BANK1: variants seen among roughly 807,000 people sequenced by gnomAD.
BANK1 encodes B-cell scaffold protein with ankyrin repeats.
In BANK1, 95 loss-of-function variants were observed where a neutral mutation model predicts 94.5. The observed-to-expected ratio is 1.00, with a 90% CI of 0.85 to 1.19. The LOEUF is 1.19. BANK1 is among the 50% of genes most tolerant of loss of function. The probability of loss-of-function intolerance (pLI) is 0.00; values close to 1 mark genes in which losing one functional copy is unlikely to be tolerated. For missense variants in BANK1, 987 were observed against 932.2 expected, an observed-to-expected ratio of 1.06 and a Z score of -0.77; for synonymous variants, 334 against 308.4, an observed-to-expected ratio of 1.08 and a Z score of -0.87.
chr4:101,952,576 T>C (rs535322838), intron 7 of BANK1, among the ~76,000 whole-genome samples: 156 of 152,262 alleles, frequency 1.0e-3, no homozygotes, highest in African/African-American at 3.6e-3. Flanking sequence ...CATATGATTA[T>C]AATTTGGTAA....
intron 12 of BANK1, chr4:102,062,815 A>G: frequency 2.7e-6 from 1 of 371,586 alleles, no homozygotes. Context: ...ATAACTATGA[A>G]TTGGGAAAGT....
At chr4:101,904,604 C>T (rs1722385690) in intron 6 of BANK1, among the ~76,000 whole-genome samples, 1 of 152,070 alleles carries the variant, frequency 6.6e-6, no homozygotes, top group African/African-American at 2.4e-5. Context: ...TTTTCTAGAC[C>T]CATACCAGGG....
At chr4:101,852,497 TATATATACAC>T (rs780794524) in intron 2 of BANK1, among the ~76,000 whole-genome samples, 1,936 of 115,020 alleles carry the variant, frequency 0.017, 60 homozygotes, top group Middle Eastern at 0.048. Flanking sequence ...TATATATATA[TATATATACAC>T]ACACACATAT....
intron 7 of BANK1, among the ~76,000 whole-genome samples, chr4:101,986,831 A>G (rs1429572876): frequency 9.2e-5 from 11 of 118,962 alleles, no homozygotes; most frequent in African/African-American, 3.3e-4. Flanking sequence ...GTGTATATAT[A>G]TGTATATATA....
chr4:101,864,244 A>G (rs968049179), intron 4 of BANK1, among the ~76,000 whole-genome samples: 1 of 152,214 alleles, frequency 6.6e-6, no homozygotes, highest in Non-Finnish European at 1.5e-5. Flanking sequence ...GCAATATTCA[A>G]GATGGTTACC....
At chr4:101,853,264 G>T (rs1727559397) in intron 2 of BANK1, among the ~76,000 whole-genome samples, 1 of 152,134 alleles carries the variant, frequency 6.6e-6, no homozygotes, top group South Asian at 2.1e-4. Flanking sequence ...GAAACAGCGT[G>T]GAGACAGCTC....
At chr4:101,878,841 T>C (rs545986388) in intron 5 of BANK1, among the ~76,000 whole-genome samples, 5 of 152,224 alleles carry the variant, frequency 3.3e-5, no homozygotes, top group Admixed American at 2.0e-4. Context: ...AACAATATGC[T>C]TTTGAATGGC....
At chr4:102,028,645 T>G (rs185324195) in intron 9 of BANK1, among the ~76,000 whole-genome samples, 9 of 152,338 alleles carry the variant, frequency 5.9e-5, no homozygotes, top group Non-Finnish European at 1.0e-4. Flanking sequence ...TTCATTGGCC[T>G]TGTAGAGAGC....
rs1253439934 is a variant in BANK1 at position 101,839,895 on chromosome 4, A to G, written c.469+9689A>G. 2.3e-5 allele frequency among the ~76,000 whole-genome samples: 3 copies of G among 132,218 alleles called. No individual in the cohort carries two copies. The East Asian group carries it at 6.8e-4, about 30-fold the overall frequency. 86.7% of individuals were successfully genotyped at this position (132,218 alleles called of 152,430 possible). On this transcript the variant is annotated intron_variant, in intron 2 of 16. Transcript: ENST00000322953. ...GGAGATATACAATTGCTTTTTTTCC[A>G]TATTCTTTCCAAGATAGCTACTATA...
intron 2 of BANK1, among the ~76,000 whole-genome samples, chr4:101,833,408 C>A (rs1368040732): frequency 1.3e-5 from 2 of 152,166 alleles, no homozygotes; most frequent in Non-Finnish European, 2.9e-5. Context: ...AAAGACTGTA[C>A]TTCTCTGCTT....
intron 2 of BANK1, among the ~76,000 whole-genome samples, chr4:101,854,802 G>A (rs921217879): frequency 6.6e-6 from 1 of 152,078 alleles, no homozygotes; most frequent in Non-Finnish European, 1.5e-5. Context: ...TTAACTAGTA[G>A]ATGAACATAG....
intron 1 of BANK1, among the ~76,000 whole-genome samples, chr4:101,796,006 A>G (rs1725144113): frequency 6.6e-6 from 1 of 152,220 alleles, no homozygotes; most frequent in Non-Finnish European, 1.5e-5. Context: ...ATAAGCCACA[A>G]AGTCCTTTTG....
intron 1 of BANK1, among the ~76,000 whole-genome samples, chr4:101,798,415 A>G (rs1725235019): frequency 6.6e-6 from 1 of 152,236 alleles, no homozygotes. Context: ...GAAAACTTAT[A>G]GAGAACAGCT....
chr4:101,835,620 A>G (rs969379525), intron 2 of BANK1, among the ~76,000 whole-genome samples: 2 of 152,242 alleles, frequency 1.3e-5, no homozygotes, highest in African/African-American at 4.8e-5. Flanking sequence ...CAAAACAAAC[A>G]ACAGAACAGA....
intron 10 of BANK1, among the ~76,000 whole-genome samples, chr4:102,031,010 G>C (rs879512785): frequency 1.3e-5 from 2 of 152,070 alleles, no homozygotes; most frequent in African/African-American, 4.8e-5. Context: ...TTGAGGAATC[G>C]CCACACTGTC....
chr4:102,037,466 G>C (rs1727546993), intron 10 of BANK1, among the ~76,000 whole-genome samples: 1 of 152,128 alleles, frequency 6.6e-6, no homozygotes, highest in African/African-American at 2.4e-5. Flanking sequence ...TAGATTTCTT[G>C]AATTCAGAAT....
intron 1 of BANK1, among the ~76,000 whole-genome samples, chr4:101,799,575 G>T (rs573191366): frequency 6.6e-6 from 1 of 152,130 alleles, no homozygotes; most frequent in African/African-American, 2.4e-5. Flanking sequence ...ATGACAGACC[G>T]GATTAAGAAA....
intron 7 of BANK1, among the ~76,000 whole-genome samples, chr4:102,011,201 G>C (rs1726502451): frequency 6.6e-6 from 1 of 152,232 alleles, no homozygotes; most frequent in Admixed American, 6.5e-5. Flanking sequence ...AGCTAAAGCT[G>C]AAGGAATACT....
intron 1 of BANK1, among the ~76,000 whole-genome samples, chr4:101,800,787 C>T (rs1725332709): frequency 2.0e-5 from 3 of 152,160 alleles, no homozygotes; most frequent in South Asian, 4.1e-4. Flanking sequence ...GATGGTTTCT[C>T]GCTCTTGTCA....
Sources: gnomAD v4.1 joint callset for allele counts (sites outside exome capture counted in the v4.1 genomes callset) on GRCh38, gnomAD v4.1.1 for gene constraint, MANE v1.5 for transcripts, NCBI Gene and HGNC (gene_info 2026-07-23, HGNC 2026-07-21) for gene names.